PLXNA4: variants seen among roughly 807,000 people sequenced by gnomAD.
The protein encoded by PLXNA4 is plexin A4.
In PLXNA4, 44 loss-of-function variants were observed where a neutral mutation model predicts 191.8. The ratio of observed to expected loss-of-function variants is 0.23; its 90% CI spans 0.18 to 0.29. The LOEUF (loss-of-function observed/expected upper bound fraction) is 0.29. PLXNA4 is among the 10% of genes least tolerant of loss of function. The pLI, the probability that PLXNA4 is intolerant of heterozygous loss-of-function variation, is 1.00. For missense variants in PLXNA4, 1,800 were observed against 2,488.8 expected (o/e 0.72, Z 5.89); for synonymous variants, 1,082 against 1,009.5 (o/e 1.07, Z -1.36).
At chr7:132,175,602 G>A (rs962618723) in intron 20 of PLXNA4, among the ~76,000 whole-genome samples, 43 of 152,196 alleles carry the variant, frequency 2.8e-4, no homozygotes, top group Non-Finnish European at 4.7e-4. Context: ...GGCAGCTCAG[G>A]CCTCCAGATG....
At chr7:132,512,611 T>C (rs980556452) in intron 1 of PLXNA4, among the ~76,000 whole-genome samples, 2 of 152,072 alleles carry the variant, frequency 1.3e-5, no homozygotes, top group African/African-American at 4.8e-5. Flanking sequence ...AAAATAAGGA[T>C]GTGAGCTCCA....
chr7:132,184,891 C>T (rs909097088), intron 16 of PLXNA4, among the ~76,000 whole-genome samples: 12 of 152,102 alleles, frequency 7.9e-5, no homozygotes, highest in Admixed American at 7.2e-4. Flanking sequence ...AACCTGACTA[C>T]AGGGAGTAGT....
intron 3 of PLXNA4, among the ~76,000 whole-genome samples, chr7:132,325,656 G>A (rs1490560260): frequency 4.6e-5 from 7 of 152,142 alleles, no homozygotes; most frequent in Admixed American, 6.5e-5. Flanking sequence ...GAGAGGCAAG[G>A]AAGGGTTCTA....
Position 132,507,908 on chromosome 7 carries a change from C to T in PLXNA4, c.786G>A (p.Glu262=), listed in dbSNP as rs750874821. Residue 262 remains glutamate (E), a synonymous_variant, in exon 2 of 32, where the codon GAG becomes GAA. Transcript: ENST00000321063. ...TGGTGGAGCCTGGTGGAGACACCAT[C>T]TCAGGTTGGAGGGTCAAAAAGTAGA... The part of the protein sequence containing the change: ...NFVYFLTLQP[E]MVSPPGSTTK... 3.7e-6 allele frequency: 6 copies of T among 1,614,136 alleles called. No homozygotes were observed. The Admixed American group carries it at 1.0e-4, about 27-fold the overall frequency.
At chr7:132,622,089 C>T (rs985756767) in intron 2 of PLXNA4, among the ~76,000 whole-genome samples, 13 of 151,998 alleles carry the variant, frequency 8.6e-5, no homozygotes, top group African/African-American at 3.1e-4. Context: ...TGGGTTCTAG[C>T]CATTGAAATG....
At chr7:132,325,108 C>G (rs138258836) in intron 3 of PLXNA4, among the ~76,000 whole-genome samples, 4 of 152,278 alleles carry the variant, frequency 2.6e-5, no homozygotes, top group Non-Finnish European at 5.9e-5. Flanking sequence ...GTTTATTCTT[C>G]TGGGTAACTT....
At chr7:132,561,928 CCTCCTCCTCCTTACCCTCCTCTTT>C (rs1801144656) in intron 1 of PLXNA4, among the ~76,000 whole-genome samples, 1 of 141,848 alleles carries the variant, frequency 7.0e-6, no homozygotes, top group Admixed American at 7.0e-5. Context: ...TCCTCCTCAT[CCTCCTCCTCCTTACCCTCCTCTTT>C]CTCCTCCTCC....
At chr7:132,232,198 G>C (rs530247250) in intron 5 of PLXNA4, among the ~76,000 whole-genome samples, 1 of 152,228 alleles carries the variant, frequency 6.6e-6, no homozygotes, top group African/African-American at 2.4e-5. Context: ...TGAGAGGCAG[G>C]GGTAGTGGCT....
chr7:132,177,053 A>G (rs1312208095), intron 20 of PLXNA4, among the ~76,000 whole-genome samples: 1 of 149,648 alleles, frequency 6.7e-6, no homozygotes. Context: ...GTGTGTGTGT[A>G]CGAATGTGAG....
chr7:132,196,468 T>G (rs887403195), intron 13 of PLXNA4, among the ~76,000 whole-genome samples: 6 of 152,272 alleles, frequency 3.9e-5, no homozygotes, highest in Non-Finnish European at 8.8e-5. Context: ...ATATCAGATT[T>G]AATGGCTGTG....
chr7:132,351,366 T>C (rs1241694203), intron 3 of PLXNA4, among the ~76,000 whole-genome samples: 1 of 152,256 alleles, frequency 6.6e-6, no homozygotes, highest in Non-Finnish European at 1.5e-5. Flanking sequence ...CTCTGCTTTT[T>C]AAATGTTTGA....
intron 3 of PLXNA4, among the ~76,000 whole-genome samples, chr7:132,347,830 C>G (rs1803309805): frequency 6.6e-6 from 1 of 152,170 alleles, no homozygotes; most frequent in Non-Finnish European, 1.5e-5. Context: ...TCTCCTTCTC[C>G]CCTTTTATAC....
chr7:132,136,766 C>G (rs1312698991), intron 30 of PLXNA4, among the ~76,000 whole-genome samples: 1 of 152,192 alleles, frequency 6.6e-6, no homozygotes, highest in Non-Finnish European at 1.5e-5. Context: ...TTGGAAAGGA[C>G]ACAGCGTTGG....
rs1262847679 is a variant in PLXNA4, at chr7:132,508,955, G to A, written c.-86-176C>T. Among the ~76,000 whole-genome samples, 4 of 152,162 alleles carry A rather than the reference G, an allele frequency of 2.6e-5. No individual in the cohort carries two copies. The highest frequency in any genetic ancestry group is 1.3e-4 in the Admixed American group (2 of 15,282). On this transcript the variant is annotated intron_variant, in intron 1 of 31. Coordinates refer to ENST00000321063, the MANE Select transcript of PLXNA4 (RefSeq NM_020911.2). This position sits in a 1 kb window ranked among gnomAD's most constrained non-coding sequence, Gnocchi z 4.4. ...ACGGGCATGTGACACAGTCAGAGCC[G>A]GGTGGCAGCAGCCCCAGGAGGACAC...
At chr7:132,371,796 C>CACACACAT (rs1177205676) in intron 3 of PLXNA4, among the ~76,000 whole-genome samples, 5 of 152,208 alleles carry the variant, frequency 3.3e-5, no homozygotes, top group Non-Finnish European at 7.3e-5. Context: ...CACACAAACA[C>CACACACAT]ACACACATAC....
At chr7:132,291,123 C>T (rs2116461121) in intron 4 of PLXNA4, among the ~76,000 whole-genome samples, 1 of 152,280 alleles carries the variant, frequency 6.6e-6, no homozygotes, top group African/African-American at 2.4e-5. Context: ...TTCTCCCCTC[C>T]TGGCAGCCCG....
chr7:132,322,246 A>G (rs1802201247), intron 3 of PLXNA4, among the ~76,000 whole-genome samples: 1 of 148,946 alleles, frequency 6.7e-6, no homozygotes, highest in Non-Finnish European at 1.5e-5. Context: ...GCAATGGTGC[A>G]AACTCGGCTC....
Position 132,516,288 on chromosome 7 carries a change from T to A in PLXNA4, c.-86-7509A>T, listed in dbSNP as rs534841856. Among the ~76,000 whole-genome samples the A allele has an allele frequency of 7.8e-4, 118 of 152,196 alleles. 1 individual carries two copies. The Middle Eastern group carries it at 0.01, about 13-fold the overall frequency. On this transcript the variant is annotated intron_variant, in intron 1 of 31. Transcript: ENST00000321063. ...TGTATTTAAAGGTAAAGCTCTTTTT[T>A]AATTTTTATTAGGACATGAGTTCAA...
At chr7:132,441,872 A>G (rs1294328736) in intron 3 of PLXNA4, among the ~76,000 whole-genome samples, 1 of 152,230 alleles carries the variant, frequency 6.6e-6, no homozygotes, top group Non-Finnish European at 1.5e-5. Flanking sequence ...ACTCAGCTTA[A>G]TGAGGCCAGA....
Sources: gnomAD v4.1 joint callset for allele counts (sites outside exome capture counted in the v4.1 genomes callset) on GRCh38, gnomAD v4.1.1 for gene constraint, Gnocchi (gnomAD v3.1) non-coding constraint, MANE v1.5 for transcripts, NCBI Gene and HGNC (gene_info 2026-07-23, HGNC 2026-07-21) for gene names.